PRKG1: variants seen among roughly 807,000 people sequenced by gnomAD.
The protein encoded by PRKG1 is protein kinase cGMP-dependent 1, also known as cGMP-dependent protein kinase 1.
In PRKG1, 35 loss-of-function variants were observed where a neutral mutation model predicts 88.1. The ratio of observed to expected loss-of-function variants is 0.40; its 90% CI spans 0.30 to 0.53. PRKG1 has a LOEUF of 0.53. Among genes scored for constraint, PRKG1 ranks in the 20% least tolerant of loss-of-function variants. The probability of loss-of-function intolerance (pLI) is 0.59; values close to 1 mark genes in which losing one functional copy is unlikely to be tolerated. For synonymous variants in PRKG1, 303 were observed against 292.5 expected, an observed-to-expected ratio of 1.04 and a Z score of -0.37; for missense variants, 540 against 839.8, an observed-to-expected ratio of 0.64 and a Z score of 4.41.
chr10:51,800,140 A>G (rs1839128851), intron 3 of PRKG1, among the ~76,000 whole-genome samples: 1 of 152,068 alleles, frequency 6.6e-6, no homozygotes, highest in African/African-American at 2.4e-5. Context: ...TTGTTGCTCA[A>G]ATTTTTATAA....
chr10:52,080,585 A>C (rs1846746478), intron 7 of PRKG1, among the ~76,000 whole-genome samples: 1 of 152,174 alleles, frequency 6.6e-6, no homozygotes, highest in Non-Finnish European at 1.5e-5. Flanking sequence ...AAGGGGCTTA[A>C]TTTGGTTGAT....
At chr10:52,060,586 T>C (rs1050633824) in intron 6 of PRKG1, among the ~76,000 whole-genome samples, 1 of 151,796 alleles carries the variant, frequency 6.6e-6, no homozygotes, top group Non-Finnish European at 1.5e-5. Flanking sequence ...CTCCCACATC[T>C]ATTAATAATA....
At chr10:52,239,764 T>C (rs1169730924) in intron 9 of PRKG1, among the ~76,000 whole-genome samples, 1 of 152,120 alleles carries the variant, frequency 6.6e-6, no homozygotes, top group African/African-American at 2.4e-5. Flanking sequence ...TTGTGGTTTT[T>C]TTCCCAAACT....
At chr10:51,774,780 A>G (rs1381894607) in intron 3 of PRKG1, among the ~76,000 whole-genome samples, 1 of 152,136 alleles carries the variant, frequency 6.6e-6, no homozygotes, top group Non-Finnish European at 1.5e-5. Context: ...TCATGAAGAA[A>G]GAGGTCAGTT....
At chr10:51,589,539 G>A (rs1423761282) in intron 3 of PRKG1, among the ~76,000 whole-genome samples, 1 of 152,098 alleles carries the variant, frequency 6.6e-6, no homozygotes, top group Non-Finnish European at 1.5e-5. Flanking sequence ...CAGGAGAATT[G>A]CTTGAACCAG....
intron 9 of PRKG1, among the ~76,000 whole-genome samples, chr10:52,172,621 T>A (rs1042514556): frequency 6.6e-6 from 1 of 152,248 alleles, no homozygotes; most frequent in East Asian, 1.9e-4. Flanking sequence ...AAAATAATTA[T>A]CTCTATCTAC....
chr10:51,213,952 T>A (rs1448930163), intron 2 of PRKG1, among the ~76,000 whole-genome samples: 1 of 152,170 alleles, frequency 6.6e-6, no homozygotes, highest in Admixed American at 6.5e-5. Context: ...TTGTTTATAG[T>A]TCTCGTTTGG....
intron 3 of PRKG1, among the ~76,000 whole-genome samples, chr10:51,675,675 T>A (rs1011818295): frequency 6.6e-6 from 1 of 152,216 alleles, no homozygotes; most frequent in Non-Finnish European, 1.5e-5. Context: ...CCCCTTCGAA[T>A]TGTTTTAATA....
chr10:51,724,749 C>T (rs58866406), intron 3 of PRKG1, among the ~76,000 whole-genome samples: 6,333 of 151,976 alleles, frequency 0.042, 415 homozygotes, highest in African/African-American at 0.14. Context: ...GGCTGGAGTG[C>T]GGTGGCACTA....
At chr10:51,444,956 G>A (rs949001768) in intron 2 of PRKG1, among the ~76,000 whole-genome samples, 2 of 151,890 alleles carry the variant, frequency 1.3e-5, no homozygotes, top group Non-Finnish European at 2.9e-5. Flanking sequence ...GTTGAAATAA[G>A]GAATGATTCT....
intron 13 of PRKG1, among the ~76,000 whole-genome samples, chr10:52,281,463 T>G (rs1355545855): frequency 6.6e-6 from 1 of 152,096 alleles, no homozygotes. Flanking sequence ...ACAGCTTGAT[T>G]CCATTTTTAA....
chr10:52,164,709 T>G (rs1838382697), intron 9 of PRKG1, among the ~76,000 whole-genome samples: 1 of 152,174 alleles, frequency 6.6e-6, no homozygotes, highest in African/African-American at 2.4e-5. Context: ...ACCATTGATT[T>G]GATAGATTAT....
chr10:51,143,568 A>G (rs1367548123), intron 1 of PRKG1, among the ~76,000 whole-genome samples: 1 of 152,034 alleles, frequency 6.6e-6, no homozygotes, highest in Admixed American at 6.6e-5. Flanking sequence ...CGTAATGGCT[A>G]TAGTAATTTA....
intron 7 of PRKG1, among the ~76,000 whole-genome samples, chr10:52,076,812 G>T (rs1309014590): frequency 6.6e-6 from 1 of 152,054 alleles, no homozygotes; most frequent in Non-Finnish European, 1.5e-5. Context: ...GAAACTAATG[G>T]CAAATAAGCA....
At chr10:51,090,009 T>C (rs1844359142) in intron 1 of PRKG1, among the ~76,000 whole-genome samples, 1 of 152,196 alleles carries the variant, frequency 6.6e-6, no homozygotes, top group African/African-American at 2.4e-5. Context: ...GAACATGGCA[T>C]ATACAATGGA....
chr10:51,916,629 C>G (rs1485430600), intron 5 of PRKG1, among the ~76,000 whole-genome samples: 3 of 152,124 alleles, frequency 2.0e-5, no homozygotes, highest in African/African-American at 7.2e-5. Context: ...GATCAGGACC[C>G]CTTTCTTGTA....
At chr10:51,793,138 C>CAAAAAAA (rs775904836) in intron 3 of PRKG1, among the ~76,000 whole-genome samples, 5 of 69,732 alleles carry the variant, frequency 7.2e-5, no homozygotes, top group South Asian at 5.8e-4. Context: ...CAGCACACTG[C>CAAAAAAA]AAAAAAAAAA....
intron 3 of PRKG1, among the ~76,000 whole-genome samples, chr10:51,801,020 T>C (rs976659396): frequency 6.6e-6 from 1 of 152,122 alleles, no homozygotes; most frequent in Non-Finnish European, 1.5e-5. Flanking sequence ...TCTTTAATCA[T>C]CTCTTCTCAG....
intron 2 of PRKG1, among the ~76,000 whole-genome samples, chr10:51,186,177 A>T (rs965703532): frequency 6.6e-6 from 1 of 151,916 alleles, no homozygotes; most frequent in African/African-American, 2.4e-5. Flanking sequence ...TCTTCCAGGA[A>T]TAAATAAATT....
Sources: gnomAD v4.1 joint callset for allele counts (sites outside exome capture counted in the v4.1 genomes callset) on GRCh38, gnomAD v4.1.1 for gene constraint, MANE v1.5 for transcripts, NCBI Gene and HGNC (gene_info 2026-07-23, HGNC 2026-07-21) for gene names.